Variants in NFATC2 observed in about 807,000 individuals in gnomAD.
The protein encoded by NFATC2 is nuclear factor of activated T-cells, cytoplasmic 2.
In NFATC2, 22 loss-of-function variants were observed where a neutral mutation model predicts 87.3. The observed-to-expected ratio is 0.25, with a 90% CI of 0.18 to 0.36. The LOEUF (loss-of-function observed/expected upper bound fraction) is 0.36. Among genes scored for constraint, NFATC2 ranks in the 10% least tolerant of loss-of-function variants. The pLI is 1.00. For missense variants in NFATC2, 1,149 were observed against 1,259.1 expected (o/e 0.91, Z 1.32); for synonymous variants, 565 against 542.2 (o/e 1.04, Z -0.58).
intron 6 of NFATC2, among the ~76,000 whole-genome samples, chr20:51,436,647 G>A (rs760079854): frequency 1.3e-5 from 2 of 151,986 alleles, no homozygotes; most frequent in Non-Finnish European, 2.9e-5. Flanking sequence ...CCCAGGAGGC[G>A]GACGTTACAG....
intron 5 of NFATC2, among the ~76,000 whole-genome samples, chr20:51,460,299 T>C (rs1987003946): frequency 6.6e-6 from 1 of 152,198 alleles, no homozygotes; most frequent in African/African-American, 2.4e-5. Flanking sequence ...AAGGCTATAG[T>C]GTTGGACACC....
intron 3 of NFATC2, among the ~76,000 whole-genome samples, chr20:51,513,905 G>A (rs1387021283): frequency 6.6e-6 from 1 of 152,260 alleles, no homozygotes; most frequent in Non-Finnish European, 1.5e-5. Context: ...GGCAGGAAGA[G>A]CTGGTCTGCA....
chr20:51,520,436 CT>C (rs35265197), intron 2 of NFATC2, among the ~76,000 whole-genome samples: 251 of 139,468 alleles, frequency 1.8e-3, no homozygotes, highest in Middle Eastern at 3.7e-3. Flanking sequence ...TCAGGATTTT[CT>C]TTTTTTTTTT....
rs1201156548 is a variant in NFATC2 at position 51,389,619 on chromosome 20, G to T, written c.*1877C>A. ...TGCTAAACTCTTTGAGCTTAGGGTG[G>T]GTGAGGGAAAGGTCGTTCATTGTCA... On this transcript the variant is annotated 3_prime_UTR_variant, in exon 11 of 11. Coordinates refer to ENST00000371564, the MANE Select transcript of NFATC2 (RefSeq NM_012340.5). 1 of 152,166 alleles carries T rather than the reference G, an allele frequency of 6.6e-6. No individual in the cohort carries two copies. Among genetic ancestry groups the T allele is most frequent in the African/African-American group, 2.4e-5 (1 of 41,448 alleles). The allele number at this position is 152,166 out of a possible 1,614,324, so 9.4% of individuals were successfully genotyped here.
chr20:51,562,393 G>A lies in NFATC2; in HGVS notation c.70+167C>T, dbSNP rs1175256751. Among the ~76,000 whole-genome samples, 2 of 152,098 alleles carry A rather than the reference G, an allele frequency of 1.3e-5. No individual in the cohort carries two copies. Among genetic ancestry groups the A allele is most frequent in the African/African-American group, 4.8e-5 (2 of 41,436 alleles). On this transcript the variant is annotated intron_variant, in intron 1 of 10. Coordinates refer to the NFATC2 transcript ENST00000414705. The surrounding 1 kb of genome is among the most constrained non-coding windows in gnomAD (Gnocchi z 5.8). ...TGTCCCTTCCCTGGCCGGGGCGCGG[G>A]CGCCCCTCCGCGGGCCCCGCTACCT...
chr20:51,456,857 G>C (rs1469018532), intron 5 of NFATC2, among the ~76,000 whole-genome samples: 1 of 152,220 alleles, frequency 6.6e-6, no homozygotes, highest in Non-Finnish European at 1.5e-5. Flanking sequence ...CCACTCAATG[G>C]AGCAACGATG....
chr20:51,450,546 C>T (rs1285798730), intron 6 of NFATC2, among the ~76,000 whole-genome samples: 1 of 152,194 alleles, frequency 6.6e-6, no homozygotes. Flanking sequence ...GCACTAAGTG[C>T]ATGCTGCTTA....
intron 9 of NFATC2, among the ~76,000 whole-genome samples, chr20:51,409,598 C>G (rs1261927786): frequency 6.6e-6 from 1 of 152,198 alleles, no homozygotes; most frequent in East Asian, 1.9e-4. Flanking sequence ...CACCTGCCTC[C>G]TGACGGAGGA....
intron 1 of NFATC2, among the ~76,000 whole-genome samples, chr20:51,550,141 T>C (rs2076920719): frequency 6.6e-6 from 1 of 151,506 alleles, no homozygotes; most frequent in African/African-American, 2.4e-5. Context: ...GCCAGGAGTT[T>C]GAGACCAGCC....
At chr20:51,513,026 T>C (rs2076296181) in intron 3 of NFATC2, among the ~76,000 whole-genome samples, 2 of 152,254 alleles carry the variant, frequency 1.3e-5, no homozygotes, top group Non-Finnish European at 2.9e-5. Context: ...AAGAAGTTTT[T>C]TTTTTTAAAC....
At chr20:51,402,011 A>G (rs1241980706) in intron 9 of NFATC2, among the ~76,000 whole-genome samples, 1 of 152,236 alleles carries the variant, frequency 6.6e-6, no homozygotes, top group East Asian at 1.9e-4. Context: ...TGGTGGAACC[A>G]ATGGGAATCA....
intron 1 of NFATC2, among the ~76,000 whole-genome samples, chr20:51,530,346 T>A (rs6063665): frequency 0.44 from 67,372 of 151,734 alleles, 15,223 homozygotes; most frequent in South Asian, 0.54. Flanking sequence ...TTTTTGTGTT[T>A]TCAGTAGAGA....
intron 9 of NFATC2, among the ~76,000 whole-genome samples, chr20:51,401,238 C>T (rs1988003535): frequency 6.6e-6 from 1 of 151,966 alleles, no homozygotes; most frequent in African/African-American, 2.4e-5. Flanking sequence ...GGTGTGACGG[C>T]AGGTGCCTGT....
chr20:51,506,387 T>C (rs2076180023), intron 3 of NFATC2, among the ~76,000 whole-genome samples: 1 of 152,128 alleles, frequency 6.6e-6, no homozygotes, highest in Non-Finnish European at 1.5e-5. Context: ...AGTCGGCCCA[T>C]AGTCTTCTAG....
Position 51,391,450 on chromosome 20 carries a change from A to G in NFATC2, c.*46T>C. ...AAAACTCCTTCCTGATAATTTCATT[A>G]ACTACAAAAGAAAAGAGGAGGGGGG... On this transcript the variant is annotated splice_region_variant and 3_prime_UTR_variant, in exon 11 of 11. Transcript: ENST00000371564. The G allele has an allele frequency of 6.8e-7, 1 of 1,470,190 alleles. No individual in the cohort carries two copies. The highest frequency in any genetic ancestry group is 9.2e-7 in the Non-Finnish European group (1 of 1,092,486). 91.1% of individuals were successfully genotyped at this position (1,470,190 alleles called of 1,614,324 possible). A position where few individuals can be genotyped will look rare whatever the true frequency, so the allele number is the denominator to read the frequency against.
chr20:51,425,528 AG>A (rs1304370403), intron 9 of NFATC2, among the ~76,000 whole-genome samples: 1 of 152,220 alleles, frequency 6.6e-6, no homozygotes, highest in East Asian at 1.9e-4. Context: ...CAGGAGGCCC[AG>A]CCCTGCCGGG....
In NFATC2 at chr20:51,432,773, G is replaced by A; in HGVS notation, c.2033-17C>T. ...TGGCTGGGACTGGGAGGAGAAAAGA[G>A]CACATAGGGGCGCCCATGGCAGTGA... On this transcript the variant is annotated splice_polypyrimidine_tract_variant and intron_variant, in intron 8 of 10. Coordinates refer to ENST00000371564, the MANE Select transcript of NFATC2 (RefSeq NM_012340.5). The surrounding 1 kb of genome is among the most constrained non-coding windows in gnomAD (Gnocchi z 4.6). 2 of 1,537,834 alleles carry A rather than the reference G, an allele frequency of 1.3e-6. No homozygotes were observed. Among genetic ancestry groups the A allele is most frequent in the Non-Finnish European group, 1.7e-6 (2 of 1,152,088 alleles).
rs145490703 is a variant in NFATC2 at position 51,515,559 on chromosome 20, C to T, written c.1332+1225G>A. ...AATGTCTACCACATCCAGTATATAT[C>T]ATCACGATGTCAGAATGCAGTCGAC... On this transcript the variant is annotated intron_variant, in intron 3 of 10. Transcript: ENST00000371564. Among the ~76,000 whole-genome samples, 638 of 152,248 alleles carry T rather than the reference C, an allele frequency of 4.2e-3. 4 individuals are homozygous for T. Among genetic ancestry groups the T allele is most frequent in the African/African-American group, 0.015 (607 of 41,530 alleles).
Position 51,542,418 on chromosome 20 carries a change from G to A in NFATC2, c.82C>T (p.Leu28Phe). Residue 28 changes from leucine (L) to phenylalanine (F), a missense_variant, in exon 1 of 11, where the codon CTT becomes TTT. Physicochemically the swap from Leu to Phe is conservative, Grantham distance 22 (BLOSUM62 0). Transcript: ENST00000371564. ...TAGTCGAAGAGGATGGAGAAGTCAA[G>A]CTCGTCTTGGGGGCTGCCCCCAGGC... ...HEPGGSPQDE[L>F]DFSILFDYEY... The A allele has an allele frequency of 6.2e-7, 1 of 1,604,732 alleles. No individual in the cohort carries two copies. The highest frequency in any genetic ancestry group is 8.5e-7 in the Non-Finnish European group (1 of 1,175,814).
Sources: allele counts gnomAD v4.1 joint callset (sites outside exome capture counted in the v4.1 genomes callset), GRCh38; gene constraint gnomAD v4.1.1; non-coding constraint Gnocchi (gnomAD v3.1); transcripts MANE v1.5; gene names NCBI Gene and HGNC (gene_info 2026-07-23, HGNC 2026-07-21).